RGS7: variants seen among roughly 807,000 people sequenced by gnomAD.
RGS7 encodes regulator of G protein signaling 7, also known as regulator of G-protein signaling 7.
A neutral mutation model predicts 81.1 loss-of-function variants in RGS7; 27 were observed. That is an observed-to-expected ratio of 0.33 (90% CI 0.25 to 0.46). RGS7 has a LOEUF of 0.46. Among genes scored for constraint, RGS7 ranks in the 20% least tolerant of loss-of-function variants. RGS7 has a pLI of 1.00. For missense variants in RGS7, 396 were observed against 607.4 expected (o/e 0.65, Z 3.66); for synonymous variants, 208 against 207.7 (o/e 1.00, Z -0.01).
intron 2 of RGS7, among the ~76,000 whole-genome samples, chr1:241,329,945 TG>T (rs1051980277): frequency 2.0e-5 from 3 of 152,126 alleles, no homozygotes; most frequent in Admixed American, 2.0e-4. Flanking sequence ...GTTTGTTTTT[TG>T]TTTTTTGTTT....
At chr1:241,344,906 T>C (rs2082789270) in intron 2 of RGS7, among the ~76,000 whole-genome samples, 1 of 152,204 alleles carries the variant, frequency 6.6e-6, no homozygotes, top group African/African-American at 2.4e-5. Flanking sequence ...GGAATATAAA[T>C]TATTCGATTA....
intron 6 of RGS7, chr1:240,920,616 G>A (rs1259516882): frequency 9.2e-7 from 1 of 1,092,732 alleles, no homozygotes; most frequent in East Asian, 2.4e-5. Context: ...ATTTTAATTA[G>A]GAAACAAAGC....
intron 18 of RGS7, among the ~76,000 whole-genome samples, chr1:240,778,666 G>A (rs899288440): frequency 1.3e-5 from 2 of 152,134 alleles, no homozygotes; most frequent in Non-Finnish European, 2.9e-5. Flanking sequence ...CAGAGTAGCT[G>A]TAACTACAGG....
chr1:240,832,672 G>A (rs1056381278), intron 9 of RGS7, among the ~76,000 whole-genome samples: 1 of 152,224 alleles, frequency 6.6e-6, no homozygotes, highest in African/African-American at 2.4e-5. Context: ...GTGGTGAAGA[G>A]CGACAGTGAG....
chr1:240,902,840 A>G (rs1444657385), intron 6 of RGS7, among the ~76,000 whole-genome samples: 1 of 152,224 alleles, frequency 6.6e-6, no homozygotes, highest in East Asian at 1.9e-4. Context: ...CATAATATCA[A>G]GCAAATAATA....
chr1:241,298,767 C>T (rs1434847270), intron 2 of RGS7, among the ~76,000 whole-genome samples: 2 of 152,144 alleles, frequency 1.3e-5, no homozygotes, highest in East Asian at 3.9e-4. Flanking sequence ...CAGCACAAGT[C>T]ACAGGCGATC....
chr1:241,078,486 T>C (rs887814886), intron 3 of RGS7, among the ~76,000 whole-genome samples: 1 of 68,344 alleles, frequency 1.5e-5, no homozygotes. Context: ...ACGTAAGTTA[T>C]GTGTGTGTGT....
chr1:241,207,008 G>A (rs1256069676), intron 2 of RGS7, among the ~76,000 whole-genome samples: 8 of 106,234 alleles, frequency 7.5e-5, no homozygotes, highest in South Asian at 3.4e-4. Flanking sequence ...TCGCTCTGTT[G>A]CCCAGGCTGG....
At chr1:241,139,904 G>A (rs2067807146) in intron 2 of RGS7, among the ~76,000 whole-genome samples, 2 of 152,100 alleles carry the variant, frequency 1.3e-5, no homozygotes, top group Admixed American at 6.6e-5. Context: ...GTATTGTCTT[G>A]GTGTTTATAA....
intron 2 of RGS7, among the ~76,000 whole-genome samples, chr1:241,341,681 G>A (rs902159776): frequency 2.6e-5 from 4 of 152,058 alleles, no homozygotes; most frequent in African/African-American, 9.7e-5. Flanking sequence ...TGTGTGCCAG[G>A]CCCTGTACTA....
chr1:240,880,364 T>C (rs1331321425), intron 6 of RGS7, among the ~76,000 whole-genome samples: 1 of 152,236 alleles, frequency 6.6e-6, no homozygotes, highest in South Asian at 2.1e-4. Flanking sequence ...CTCTTATTTC[T>C]GGTCTTTGGA....
intron 6 of RGS7, among the ~76,000 whole-genome samples, chr1:240,873,590 C>A (rs1664856656): frequency 6.6e-6 from 1 of 152,110 alleles, no homozygotes; most frequent in East Asian, 1.9e-4. Context: ...TGAGTAGAAA[C>A]AGAATAGAAA....
intron 4 of RGS7, among the ~76,000 whole-genome samples, chr1:240,940,158 A>G (rs1677345825): frequency 6.6e-6 from 1 of 152,128 alleles, no homozygotes; most frequent in Admixed American, 6.5e-5. Flanking sequence ...TGCCCCCAAT[A>G]TATTCCCTAG....
At chr1:241,091,209 A>G (rs2063848346) in intron 3 of RGS7, among the ~76,000 whole-genome samples, 1 of 152,096 alleles carries the variant, frequency 6.6e-6, no homozygotes, top group Admixed American at 6.5e-5. Context: ...CAAATTACTA[A>G]CTAATATTTT....
chr1:240,844,523 AG>A (rs987709264), intron 9 of RGS7, among the ~76,000 whole-genome samples: 41 of 152,218 alleles, frequency 2.7e-4, no homozygotes, highest in African/African-American at 8.0e-4. Context: ...ACTTAATAAT[AG>A]GGGAAGCAGT....
chr1:240,848,790 G>T (rs785973), intron 9 of RGS7, among the ~76,000 whole-genome samples: 122,264 of 152,048 alleles, frequency 0.8, 49,593 homozygotes, highest in African/African-American at 0.9. Flanking sequence ...TTCTATAAAT[G>T]TATAACATTT....
At chr1:241,244,460 G>A (rs1168351687) in intron 2 of RGS7, among the ~76,000 whole-genome samples, 4 of 152,092 alleles carry the variant, frequency 2.6e-5, no homozygotes, top group African/African-American at 9.7e-5. Flanking sequence ...GAAACAACAG[G>A]TGCTGGAGAG....
intron 18 of RGS7, among the ~76,000 whole-genome samples, chr1:240,781,857 A>G (rs1424926368): frequency 1.3e-5 from 2 of 152,054 alleles, no homozygotes; most frequent in Non-Finnish European, 2.9e-5. Flanking sequence ...TCTACTAAAT[A>G]TACAAAAATT....
chr1:241,061,617 C>T (rs1372587356), intron 3 of RGS7, among the ~76,000 whole-genome samples: 2 of 152,062 alleles, frequency 1.3e-5, no homozygotes, highest in African/African-American at 4.8e-5. Context: ...CGCAGGAGGA[C>T]AATTAAATAG....
Sources: allele counts gnomAD v4.1 joint callset (sites outside exome capture counted in the v4.1 genomes callset), GRCh38; gene constraint gnomAD v4.1.1; transcripts MANE v1.5; gene names NCBI Gene and HGNC (gene_info 2026-07-23, HGNC 2026-07-21).